Variants in ARHGAP24 observed in about 807,000 individuals in gnomAD.
ARHGAP24 encodes the protein rho GTPase-activating protein 24.
ARHGAP24 carries 50 observed loss-of-function variants against 76.4 expected under a neutral mutation model. The observed-to-expected ratio is 0.65, with a 90% CI of 0.52 to 0.83. The LOEUF (loss-of-function observed/expected upper bound fraction) is 0.83. Among genes scored for constraint, ARHGAP24 ranks in the 40% least tolerant of loss-of-function variants. ARHGAP24 has a pLI of 0.00. For missense variants in ARHGAP24, 930 were observed against 914.2 expected (o/e 1.02, Z -0.22); for synonymous variants, 345 against 323.3 (o/e 1.07, Z -0.72).
chr4:85,531,143 C>A (rs1295306047), intron 1 of ARHGAP24, among the ~76,000 whole-genome samples: 1 of 151,922 alleles, frequency 6.6e-6, no homozygotes, highest in Non-Finnish European at 1.5e-5. Flanking sequence ...ACTAGTCCAG[C>A]AGTTGGCCTG....
At chr4:85,834,217 A>T (rs1730146678) in intron 3 of ARHGAP24, among the ~76,000 whole-genome samples, 1 of 152,222 alleles carries the variant, frequency 6.6e-6, no homozygotes, top group South Asian at 2.1e-4. Flanking sequence ...ATACAATAGG[A>T]TAAATTTGAT....
intron 2 of ARHGAP24, among the ~76,000 whole-genome samples, chr4:85,683,559 T>C (rs1385194296): frequency 6.6e-6 from 1 of 152,248 alleles, no homozygotes; most frequent in Non-Finnish European, 1.5e-5. Flanking sequence ...TTAACATATT[T>C]TGAAGTTGTA....
chr4:85,535,629 A>G (rs1206691959), intron 1 of ARHGAP24, among the ~76,000 whole-genome samples: 2 of 152,118 alleles, frequency 1.3e-5, no homozygotes, highest in Admixed American at 1.3e-4. Context: ...AGCCCATCCT[A>G]TTGGCCATCA....
At chr4:85,781,130 T>C (rs1200280156) in intron 3 of ARHGAP24, among the ~76,000 whole-genome samples, 1 of 152,282 alleles carries the variant, frequency 6.6e-6, no homozygotes, top group African/African-American at 2.4e-5. Flanking sequence ...GTGTGGAGAT[T>C]ATGCTTAAGA....
chr4:85,640,590 G>A, intron 2 of ARHGAP24, among the ~76,000 whole-genome samples: 1 of 152,078 alleles, frequency 6.6e-6, no homozygotes, highest in East Asian at 1.9e-4. Context: ...ACATCTTATT[G>A]AAACTCTACC....
intron 3 of ARHGAP24, among the ~76,000 whole-genome samples, chr4:85,810,668 G>A (rs1728973881): frequency 6.6e-6 from 1 of 152,088 alleles, no homozygotes; most frequent in Non-Finnish European, 1.5e-5. Flanking sequence ...GTAGTAAATA[G>A]TTTTAATGAA....
chr4:85,504,952 A>G (rs967790603), intron 1 of ARHGAP24, among the ~76,000 whole-genome samples: 1 of 152,132 alleles, frequency 6.6e-6, no homozygotes, highest in Non-Finnish European at 1.5e-5. Flanking sequence ...TTGTTTGTAA[A>G]GGATTTTATT....
intron 2 of ARHGAP24, among the ~76,000 whole-genome samples, chr4:85,701,074 GTC>G (rs1412374329): frequency 6.6e-6 from 1 of 152,060 alleles, no homozygotes; most frequent in Non-Finnish European, 1.5e-5. Flanking sequence ...TATTTCATTA[GTC>G]TCTCTGTCAT....
At chr4:85,689,652 G>A (rs1396176938) in intron 2 of ARHGAP24, among the ~76,000 whole-genome samples, 1 of 152,104 alleles carries the variant, frequency 6.6e-6, no homozygotes, top group Non-Finnish European at 1.5e-5. Flanking sequence ...GCCTCCCAAA[G>A]TGCCAGGATT....
chr4:85,722,780 T>A (rs1198874199), intron 3 of ARHGAP24, among the ~76,000 whole-genome samples: 1 of 152,224 alleles, frequency 6.6e-6, no homozygotes, highest in Non-Finnish European at 1.5e-5. Context: ...ATATTGATAT[T>A]GATTTGATCA....
chr4:85,480,276 C>G (rs1722760066), intron 1 of ARHGAP24, among the ~76,000 whole-genome samples: 1 of 152,058 alleles, frequency 6.6e-6, no homozygotes, highest in Admixed American at 6.5e-5. Context: ...TTTGCCTAGA[C>G]TGCTAGGAAT....
rs141031654 is a variant in ARHGAP24 at position 85,995,079 on chromosome 4, C to G, written c.1425C>G (p.His475Gln). 1.6e-4 allele frequency: 256 copies of G among 1,613,920 alleles called. No homozygotes were observed. Among genetic ancestry groups the G allele is most frequent in the Non-Finnish European group, 2.0e-4 (241 of 1,180,016 alleles). ...TATCTGGTACCAAAATGGGCACGCA[C>G]AGTGTACAGAATGGAACGGTGCGCA... The part of the protein sequence containing the change: ...LKVSGTKMGT[H>Q]SVQNGTVRMG... Residue 475 changes from histidine to glutamine, a missense_variant, in exon 9 of 10, where the codon CAC becomes CAG. By Grantham distance (24) the His-to-Gln change is conservative. Transcript: ENST00000395184.
intron 3 of ARHGAP24, among the ~76,000 whole-genome samples, chr4:85,736,034 C>T (rs1725593340): frequency 6.6e-6 from 1 of 152,152 alleles, no homozygotes; most frequent in Non-Finnish European, 1.5e-5. Flanking sequence ...ATGCATCACA[C>T]TAACCATAGG....
chr4:85,767,363 A>G (rs930256651), intron 3 of ARHGAP24, among the ~76,000 whole-genome samples: 1 of 152,182 alleles, frequency 6.6e-6, no homozygotes, highest in Non-Finnish European at 1.5e-5. Context: ...TTGGTTATGT[A>G]TGTATTATGT....
intron 1 of ARHGAP24, among the ~76,000 whole-genome samples, chr4:85,525,257 C>CTTTTTTTTTTTT (rs34087239): frequency 1.6e-5 from 2 of 128,360 alleles, no homozygotes; most frequent in African/African-American, 2.9e-5. Context: ...GTATTATCGG[C>CTTTTTTTTTTTT]TTTTTTTTTT....
intron 3 of ARHGAP24, among the ~76,000 whole-genome samples, chr4:85,800,536 G>A (rs1210423179): frequency 6.6e-6 from 1 of 151,786 alleles, no homozygotes; most frequent in East Asian, 1.9e-4. Context: ...AGGAGAGAGG[G>A]GGAAGGGAAG....
At chr4:85,515,352 T>C (rs1029228703) in intron 1 of ARHGAP24, among the ~76,000 whole-genome samples, 5 of 146,852 alleles carry the variant, frequency 3.4e-5, no homozygotes, top group African/African-American at 2.5e-5. Flanking sequence ...TCATCCTATA[T>C]CCACTCTATG....
intron 1 of ARHGAP24, among the ~76,000 whole-genome samples, chr4:85,516,830 G>A (rs567240619): frequency 6.6e-6 from 1 of 151,996 alleles, no homozygotes; most frequent in Admixed American, 6.6e-5. Flanking sequence ...GTCTTTCCTT[G>A]GATCTGGATT....
chr4:85,870,321 A>G (rs998939964), intron 3 of ARHGAP24, among the ~76,000 whole-genome samples: 1 of 152,164 alleles, frequency 6.6e-6, no homozygotes, highest in African/African-American at 2.4e-5. Flanking sequence ...GTACATGTCT[A>G]TATTTTCTTT....
Sources: gnomAD v4.1 joint callset for allele counts (sites outside exome capture counted in the v4.1 genomes callset) on GRCh38, gnomAD v4.1.1 for gene constraint, MANE v1.5 for transcripts, NCBI Gene and HGNC (gene_info 2026-07-23, HGNC 2026-07-21) for gene names.